SAMD4A: variants seen among roughly 807,000 people sequenced by gnomAD.
SAMD4A encodes the protein sterile alpha motif domain containing 4A.
In SAMD4A, 33 loss-of-function variants were observed where a neutral mutation model predicts 81.3. The ratio of observed to expected loss-of-function variants is 0.41; its 90% CI spans 0.31 to 0.54. The LOEUF is 0.54. SAMD4A is among the 20% of genes least tolerant of loss of function. The pLI is 0.37. For synonymous variants in SAMD4A, 389 were observed against 382.1 expected (o/e 1.02, Z -0.21); for missense variants, 854 against 951.1 (o/e 0.90, Z 1.34).
chr14:54,575,009 T>C (rs1400311746), intron 2 of SAMD4A, among the ~76,000 whole-genome samples: 1 of 152,178 alleles, frequency 6.6e-6, no homozygotes, highest in Non-Finnish European at 1.5e-5. Context: ...AAGAGACTGT[T>C]AGAAAGGAAA....
chr14:54,612,346 A>G (rs995093960), intron 2 of SAMD4A, among the ~76,000 whole-genome samples: 1 of 152,332 alleles, frequency 6.6e-6, no homozygotes, highest in East Asian at 1.9e-4. Flanking sequence ...ATGATAGACT[A>G]ATCTACATAT....
intron 4 of SAMD4A, among the ~76,000 whole-genome samples, chr14:54,738,699 C>T (rs1398158541): frequency 6.6e-6 from 1 of 152,174 alleles, no homozygotes; most frequent in African/African-American, 2.4e-5. Context: ...AGCAGCTGAG[C>T]CCCAGGTGAT....
intron 2 of SAMD4A, among the ~76,000 whole-genome samples, chr14:54,569,081 A>G (rs1213820330): frequency 6.6e-6 from 1 of 152,088 alleles, no homozygotes; most frequent in Admixed American, 6.5e-5. Flanking sequence ...TCTTTAGTTC[A>G]TGCTGCTGCA....
At chr14:54,689,057 G>A (rs2036360688) in intron 2 of SAMD4A, among the ~76,000 whole-genome samples, 1 of 150,012 alleles carries the variant, frequency 6.7e-6, no homozygotes, top group Non-Finnish European at 1.5e-5. Flanking sequence ...TCAACTTCCC[G>A]AGTAGCTGGG....
At chr14:54,697,839 A>T (rs1267068870) in intron 2 of SAMD4A, among the ~76,000 whole-genome samples, 1 of 152,146 alleles carries the variant, frequency 6.6e-6, no homozygotes, top group Non-Finnish European at 1.5e-5. Flanking sequence ...TGCTTCCAAG[A>T]TGGTTCCCTC....
chr14:54,597,495 G>A (rs1169578734), intron 2 of SAMD4A, among the ~76,000 whole-genome samples: 1 of 150,464 alleles, frequency 6.6e-6, no homozygotes, highest in Admixed American at 6.6e-5. Context: ...GGCTGGTCTT[G>A]AACTCCTGAT....
chr14:54,682,993 G>C (rs2036165379), intron 2 of SAMD4A, among the ~76,000 whole-genome samples: 1 of 152,186 alleles, frequency 6.6e-6, no homozygotes, highest in South Asian at 2.1e-4. Context: ...TCCGTCATGT[G>C]CTGCTGGAGG....
intron 2 of SAMD4A, among the ~76,000 whole-genome samples, chr14:54,643,411 T>C (rs1410657509): frequency 6.6e-6 from 1 of 152,200 alleles, no homozygotes; most frequent in Admixed American, 6.5e-5. Flanking sequence ...TCCAAAGCTG[T>C]TCTTTTGACT....
intron 2 of SAMD4A, among the ~76,000 whole-genome samples, chr14:54,669,151 T>C (rs1289778846): frequency 1.3e-5 from 2 of 152,206 alleles, no homozygotes; most frequent in African/African-American, 2.4e-5. Flanking sequence ...TGGATCATCA[T>C]GAAGCTCTCT....
intron 2 of SAMD4A, among the ~76,000 whole-genome samples, chr14:54,667,863 A>G (rs1428619756): frequency 6.6e-6 from 1 of 152,178 alleles, no homozygotes; most frequent in East Asian, 1.9e-4. Flanking sequence ...AACTGTGGAC[A>G]AGAGAGGTTA....
At position 54,728,858 on chromosome 14, in the gene SAMD4A, C is replaced by T. The variant is rs370841386; in HGVS notation, c.716-8166C>T. Among the ~76,000 whole-genome samples the T allele has an allele frequency of 8.5e-5, 13 of 152,268 alleles. No individual in the cohort carries two copies. The South Asian group carries it at 2.1e-3, about 24-fold the overall frequency. On this transcript the variant is annotated intron_variant, in intron 3 of 12. Transcript: ENST00000554335. ...CATGTGGCTGCAAGGCTCTGCTGGCCGTAGGATTTAGGCATCCTCTGATGA... is the reference window on the plus strand; with the variant it reads ...CATGTGGCTGCAAGGCTCTGCTGGCTGTAGGATTTAGGCATCCTCTGATGA...
At chr14:54,733,041 G>T (rs2037597091) in intron 3 of SAMD4A, among the ~76,000 whole-genome samples, 1 of 152,078 alleles carries the variant, frequency 6.6e-6, no homozygotes, top group African/African-American at 2.4e-5. Context: ...CCCCGTAAAA[G>T]GTGCTGAAAG....
intron 2 of SAMD4A, among the ~76,000 whole-genome samples, chr14:54,673,113 T>G (rs2359355): frequency 1.9e-5 from 1 of 51,450 alleles, no homozygotes; most frequent in African/African-American, 4.4e-5. Context: ...ACTTTCATAT[T>G]CCTCCAGTGG....
Position 54,762,095 on chromosome 14 carries a change from G to T in SAMD4A, c.1510+1601G>T, listed in dbSNP as rs80168118. Reference sequence around the variant, plus strand: ...AAGCATACATGCTGGGTGCACGCCTGTCGGGGAGGGTAGACTCCACAGCGT... The same window carrying T: ...AAGCATACATGCTGGGTGCACGCCTTTCGGGGAGGGTAGACTCCACAGCGT... On this transcript the variant is annotated intron_variant, in intron 7 of 12. Transcript: ENST00000554335. Among the ~76,000 whole-genome samples the T allele has an allele frequency of 7.8e-3, 1,192 of 152,296 alleles. 19 individuals are homozygous for T. Among genetic ancestry groups the T allele is most frequent in the African/African-American group, 0.027 (1,130 of 41,556 alleles).
chr14:54,711,280 T>G (rs1301150801), intron 3 of SAMD4A, among the ~76,000 whole-genome samples: 1 of 152,242 alleles, frequency 6.6e-6, no homozygotes, highest in Non-Finnish European at 1.5e-5. Flanking sequence ...CTTTTTGACT[T>G]ATTTGACCAA....
chr14:54,667,956 A>C (rs2035791063), intron 2 of SAMD4A, among the ~76,000 whole-genome samples: 1 of 152,116 alleles, frequency 6.6e-6, no homozygotes, highest in South Asian at 2.1e-4. Context: ...TCTGTTTCTC[A>C]TGCCTTCCTG....
At chr14:54,572,409 GA>G (rs377308805) in intron 2 of SAMD4A, among the ~76,000 whole-genome samples, 112 of 152,340 alleles carry the variant, frequency 7.4e-4, no homozygotes, top group African/African-American at 2.6e-3. Flanking sequence ...CTCCCATGCA[GA>G]AGATAGTGTT....
chr14:54,766,367 CAGTAGTGAGAGA>C (rs2038543574), intron 8 of SAMD4A, among the ~76,000 whole-genome samples: 1 of 151,868 alleles, frequency 6.6e-6, no homozygotes, highest in Non-Finnish European at 1.5e-5. Flanking sequence ...AGGCAGGTTA[CAGTAGTGAGAGA>C]AGGGGTGAGA....
chr14:54,749,682 A>G (rs2038053461), intron 5 of SAMD4A, among the ~76,000 whole-genome samples: 2 of 152,190 alleles, frequency 1.3e-5, no homozygotes, highest in South Asian at 4.1e-4. Flanking sequence ...CATGTTTCCT[A>G]CCACGCTGTG....
Sources: gnomAD v4.1 joint callset for allele counts (sites outside exome capture counted in the v4.1 genomes callset) on GRCh38, gnomAD v4.1.1 for gene constraint, MANE v1.5 for transcripts, NCBI Gene and HGNC (gene_info 2026-07-23, HGNC 2026-07-21) for gene names.